Variants in CCDC7 observed in about 807,000 individuals in gnomAD.
The protein encoded by CCDC7 is coiled-coil domain containing 7, also known as coiled-coil domain-containing protein 7.
In CCDC7, 183 loss-of-function variants were observed where a neutral mutation model predicts 196.9. The ratio of observed to expected loss-of-function variants is 0.93; its 90% CI spans 0.82 to 1.05. The LOEUF (loss-of-function observed/expected upper bound fraction) is 1.05, where lower values mean the gene tolerates loss of function less well. Among genes scored for constraint, CCDC7 ranks in the 50% least tolerant of loss-of-function variants. The pLI, the probability that CCDC7 is intolerant of heterozygous loss-of-function variation, is 0.00. For synonymous variants in CCDC7, 525 were observed against 484.6 expected, an observed-to-expected ratio of 1.08 and a Z score of -1.10; for missense variants, 1,540 against 1,482.2, an observed-to-expected ratio of 1.04 and a Z score of -0.64.
intron 29 of CCDC7, among the ~76,000 whole-genome samples, chr10:32,801,244 G>A (rs890209530): frequency 1.3e-5 from 2 of 152,188 alleles, no homozygotes; most frequent in African/African-American, 4.8e-5. Context: ...GCTGGGATGA[G>A]TAGGTCTAAA....
intron 11 of CCDC7, among the ~76,000 whole-genome samples, chr10:32,541,571 G>C (rs1398523722): frequency 1.3e-5 from 2 of 152,264 alleles, no homozygotes; most frequent in African/African-American, 4.8e-5. Context: ...GGGCCTGCTA[G>C]TCCAGAAGCT....
At chr10:32,556,313 CA>C (rs778277227) in intron 13 of CCDC7, among the ~76,000 whole-genome samples, 1 of 152,096 alleles carries the variant, frequency 6.6e-6, no homozygotes, top group Non-Finnish European at 1.5e-5. Context: ...ATGGCTTAAA[CA>C]AGGTAGAATA....
At chr10:32,699,847 G>A (rs1037414181) in intron 24 of CCDC7, among the ~76,000 whole-genome samples, 5 of 149,526 alleles carry the variant, frequency 3.3e-5, no homozygotes, top group African/African-American at 1.0e-4. Flanking sequence ...CTGCATAAAT[G>A]TCTTCTTTTG....
intron 41 of CCDC7, among the ~76,000 whole-genome samples, chr10:32,869,576 C>G (rs2136740236): frequency 6.6e-6 from 1 of 151,926 alleles, no homozygotes; most frequent in African/African-American, 2.4e-5. Context: ...TAATCGGATC[C>G]TATTTGTCAA....
chr10:32,612,710 G>C (rs1435449817), intron 18 of CCDC7, among the ~76,000 whole-genome samples: 1 of 152,064 alleles, frequency 6.6e-6, no homozygotes, highest in East Asian at 1.9e-4. Context: ...TTATGTGATG[G>C]ATTACATTTA....
At chr10:32,446,373 A>C (rs569931097) in exon 1 of CCDC7, 1 of 152,306 alleles carries the variant, frequency 6.6e-6, no homozygotes, top group East Asian at 1.9e-4. Flanking sequence ...CCGCCCAGTC[A>C]CCCGACTTCC....
intron 11 of CCDC7, among the ~76,000 whole-genome samples, chr10:32,519,343 C>A (rs1265459143): frequency 2.0e-5 from 3 of 152,128 alleles, no homozygotes; most frequent in African/African-American, 7.2e-5. Context: ...ACTGTTAGAA[C>A]CACATTGAAA....
chr10:32,745,350 TG>T (rs1436567492), intron 28 of CCDC7, among the ~76,000 whole-genome samples: 2 of 152,196 alleles, frequency 1.3e-5, no homozygotes. Context: ...CAGGTTTATT[TG>T]GTTCACAGTT....
At chr10:32,796,304 T>C (rs1047371320) in intron 29 of CCDC7, among the ~76,000 whole-genome samples, 1 of 152,166 alleles carries the variant, frequency 6.6e-6, no homozygotes, top group African/African-American at 2.4e-5. Flanking sequence ...ATTGCTTCTA[T>C]GCCAACATTT....
At chr10:32,652,691 A>T (rs954516133) in intron 20 of CCDC7, among the ~76,000 whole-genome samples, 1 of 152,170 alleles carries the variant, frequency 6.6e-6, no homozygotes, top group Non-Finnish European at 1.5e-5. Flanking sequence ...ACTAAAAAAA[A>T]CTTTATACTT....
At chr10:32,539,122 G>A (rs957725687) in intron 11 of CCDC7, among the ~76,000 whole-genome samples, 3 of 152,068 alleles carry the variant, frequency 2.0e-5, no homozygotes, top group African/African-American at 7.2e-5. Flanking sequence ...GAATTTGGCT[G>A]TGAATCTCTC....
At chr10:32,530,643 TA>T (rs2049491136) in intron 11 of CCDC7, among the ~76,000 whole-genome samples, 1 of 152,224 alleles carries the variant, frequency 6.6e-6, no homozygotes, top group African/African-American at 2.4e-5. Flanking sequence ...TCATCAGTTC[TA>T]ACAGTTTTCT....
At chr10:32,484,325 G>A (rs1398672669) in intron 8 of CCDC7, among the ~76,000 whole-genome samples, 2 of 151,662 alleles carry the variant, frequency 1.3e-5, no homozygotes, top group African/African-American at 4.8e-5. Flanking sequence ...AGGAATGCTT[G>A]TGATTTTTGC....
chr10:32,731,866 A>C (rs988178103), intron 28 of CCDC7, among the ~76,000 whole-genome samples: 4 of 152,218 alleles, frequency 2.6e-5, no homozygotes, highest in Non-Finnish European at 5.9e-5. Context: ...ATCCTGGCTA[A>C]CACGATGAAA....
chr10:32,669,456 T>A (rs1319990755), intron 21 of CCDC7, among the ~76,000 whole-genome samples: 1 of 152,156 alleles, frequency 6.6e-6, no homozygotes, highest in Non-Finnish European at 1.5e-5. Flanking sequence ...TGAGGGGCAT[T>A]AGCATTAATT....
chr10:32,576,665 C>G (rs996536282), intron 16 of CCDC7, among the ~76,000 whole-genome samples: 11 of 151,550 alleles, frequency 7.3e-5, no homozygotes, highest in Non-Finnish European at 1.5e-4. Context: ...ATCCTCCCAC[C>G]TTAGCTGTCT....
intron 18 of CCDC7, among the ~76,000 whole-genome samples, chr10:32,585,434 G>A (rs2059172582): frequency 6.6e-6 from 1 of 152,110 alleles, no homozygotes; most frequent in African/African-American, 2.4e-5. Context: ...GTGCAGGTTT[G>A]TTACATAGGT....
intron 20 of CCDC7, among the ~76,000 whole-genome samples, chr10:32,641,418 A>C (rs189967687): frequency 2.7e-4 from 41 of 152,212 alleles, no homozygotes; most frequent in Middle Eastern, 6.8e-3. Context: ...TCCATCACTG[A>C]TACCCTTTCT....
At chr10:32,637,982 C>G (rs2065964265) in intron 20 of CCDC7, among the ~76,000 whole-genome samples, 1 of 152,092 alleles carries the variant, frequency 6.6e-6, no homozygotes. Context: ...ATTTTATTCT[C>G]TTTGAAGCAA....
Sources: gnomAD v4.1 joint callset for allele counts (sites outside exome capture counted in the v4.1 genomes callset) on GRCh38, gnomAD v4.1.1 for gene constraint, MANE v1.5 for transcripts, NCBI Gene and HGNC (gene_info 2026-07-23, HGNC 2026-07-21) for gene names.